GABRR2: variants seen among roughly 807,000 people sequenced by gnomAD.
GABRR2 encodes gamma-aminobutyric acid type A receptor subunit rho2.
A neutral mutation model predicts 47.0 loss-of-function variants in GABRR2; 36 were observed. That is an observed-to-expected ratio of 0.77 (90% CI 0.59 to 1.01). GABRR2 has a LOEUF of 1.01. GABRR2 is among the 50% of genes least tolerant of loss of function. GABRR2 has a pLI of 0.00. For synonymous variants in GABRR2, 204 were observed against 227.5 expected (o/e 0.90, Z 0.93); for missense variants, 587 against 594.6 (o/e 0.99, Z 0.13).
rs1454634907 is a variant in GABRR2 at position 89,256,970 on chromosome 6, A to G, written c.*700T>C. On this transcript the variant is annotated 3_prime_UTR_variant, in exon 9 of 9. Transcript: ENST00000402938. The stretch of plus-strand genomic sequence containing the variant: ...GGTAAGCGGGGTTGAAGGAGGGGAA[A>G]GAGCAGAAGTACATCATGCCATATG... Among the ~76,000 whole-genome samples the G allele has an allele frequency of 1.3e-5, 2 of 152,196 alleles. No homozygotes were observed. Among genetic ancestry groups the G allele is most frequent in the Admixed American group, 6.5e-5 (1 of 15,274 alleles).
chr6:89,266,955 G>A (rs1042376147), intron 6 of GABRR2, among the ~76,000 whole-genome samples: 2 of 151,160 alleles, frequency 1.3e-5, no homozygotes, highest in Non-Finnish European at 1.5e-5. Context: ...TGAGTAGTTA[G>A]GACCAGGGGC....
intron 8 of GABRR2, among the ~76,000 whole-genome samples, chr6:89,261,201 G>A (rs540569747): frequency 6.6e-6 from 1 of 152,246 alleles, no homozygotes; most frequent in East Asian, 1.9e-4. Flanking sequence ...GCTCTATACA[G>A]GAAAGTCTAA....
intron 2 of GABRR2, among the ~76,000 whole-genome samples, chr6:89,296,821 G>T (rs190845120): frequency 6.6e-6 from 1 of 152,324 alleles, no homozygotes; most frequent in East Asian, 1.9e-4. Context: ...TTCATCTGCC[G>T]TTCCAAGAGC....
chr6:89,262,028 CAAAAA>C (rs35450080), intron 8 of GABRR2, among the ~76,000 whole-genome samples: 1 of 130,450 alleles, frequency 7.7e-6, no homozygotes. Context: ...GACCCTGTCT[CAAAAA>C]AAAAAAAAAA....
At position 89,257,665 on chromosome 6, in the gene GABRR2, A is replaced by G. The variant is rs1185422310; in HGVS notation, c.*5T>C. The G allele has an allele frequency of 1.2e-6, 2 of 1,605,618 alleles. No homozygotes were observed. Among genetic ancestry groups the G allele is most frequent in the Admixed American group, 1.7e-5 (1 of 59,288 alleles). Reference sequence around the variant, plus strand: ...TGCCCTCTTCTAGGAACAGCCTTGGAGCCCCTAGGAAAACACTGACCAATA... The same window carrying G: ...TGCCCTCTTCTAGGAACAGCCTTGGGGCCCCTAGGAAAACACTGACCAATA... On this transcript the variant is annotated 3_prime_UTR_variant, in exon 9 of 9. Coordinates refer to ENST00000402938, the MANE Select transcript of GABRR2 (RefSeq NM_002043.5).
At position 89,267,742 on chromosome 6, in the gene GABRR2, A is replaced by G; in HGVS notation, c.673T>C (p.Leu225=). Residue 225 remains leucine, a synonymous_variant, in exon 6 of 9, where the codon TTG becomes CTG. Transcript: ENST00000402938. The stretch of plus-strand genomic sequence containing the variant: ...AATTTCTGAATCAGAAACTGAGACA[A>G]GGAGATCTTCTCATCTGTTTTTAGG... ...ESLKTDEKIS[L]SQFLIQKFHT... is the part of the protein sequence containing the mutation. 6.2e-7 allele frequency: 1 copy of G among 1,613,960 alleles called. No individual in the cohort carries two copies. The highest frequency in any genetic ancestry group is 8.5e-7 in the Non-Finnish European group (1 of 1,179,834).
At chr6:89,298,399 T>C (rs1774593355) in intron 2 of GABRR2, among the ~76,000 whole-genome samples, 1 of 152,200 alleles carries the variant, frequency 6.6e-6, no homozygotes, top group African/African-American at 2.4e-5. Context: ...TCTTGTTTAA[T>C]CTGGACAACA....
chr6:89,264,212 T>C (rs985712192), intron 8 of GABRR2, among the ~76,000 whole-genome samples, 200 bp downstream of exon 8: 2 of 152,224 alleles, frequency 1.3e-5, no homozygotes, highest in African/African-American at 4.8e-5. Context: ...TTCCAGTTCC[T>C]AGTCTTTGTC....
intron 2 of GABRR2, among the ~76,000 whole-genome samples, chr6:89,282,309 T>C (rs1774265589): frequency 6.6e-6 from 1 of 152,182 alleles, no homozygotes; most frequent in Admixed American, 6.5e-5. Flanking sequence ...CTTCTTCCCC[T>C]ACAGCTCCCC....
chr6:89,298,618 G>T (rs1247765736), intron 2 of GABRR2, among the ~76,000 whole-genome samples: 1 of 152,190 alleles, frequency 6.6e-6, no homozygotes, highest in Non-Finnish European at 1.5e-5. Flanking sequence ...TGAAATTCTT[G>T]GTGCCTCAGT....
intron 2 of GABRR2, among the ~76,000 whole-genome samples, chr6:89,292,779 C>CGTATATATCATATA (rs1774482581): frequency 3.3e-5 from 3 of 90,934 alleles, no homozygotes; most frequent in African/African-American, 1.2e-4. Flanking sequence ...TCGTATATAT[C>CGTATATATCATATA]GTATATACGA....
At chr6:89,307,883 C>T (rs1386558582) in intron 1 of GABRR2, among the ~76,000 whole-genome samples, 1 of 134,718 alleles carries the variant, frequency 7.4e-6, no homozygotes, top group Admixed American at 8.5e-5. Context: ...ATGGTGAGAT[C>T]TTGGCTCACT....
At chr6:89,259,883 C>CTTTT (rs59831214) in intron 8 of GABRR2, among the ~76,000 whole-genome samples, 63 of 67,518 alleles carry the variant, frequency 9.3e-4, no homozygotes, top group Non-Finnish European at 1.3e-3. Context: ...CTCTCTCTCT[C>CTTTT]TTTTTTTTTT....
At position 89,261,755 on chromosome 6, in the gene GABRR2, G is replaced by A. The variant is rs76578715; in HGVS notation, c.1086+2657C>T. 4.7e-3 allele frequency among the ~76,000 whole-genome samples: 721 copies of A among 152,176 alleles called. 8 individuals carry two copies. The highest frequency in any genetic ancestry group is 0.017 in the African/African-American group (687 of 41,526). On this transcript the variant is annotated intron_variant, in intron 8 of 8. Coordinates refer to ENST00000402938, the MANE Select transcript of GABRR2 (RefSeq NM_002043.5). ...GAGATAAACAACGTTAAAACAATTTGGGGCTGGTGCGGTGGTTCATGCCTG... is the reference window on the plus strand; with the variant it reads ...GAGATAAACAACGTTAAAACAATTTAGGGCTGGTGCGGTGGTTCATGCCTG...
intron 8 of GABRR2, among the ~76,000 whole-genome samples, chr6:89,263,227 T>C (rs1030997506): frequency 6.6e-6 from 1 of 152,236 alleles, no homozygotes; most frequent in Non-Finnish European, 1.5e-5. Context: ...ATTTCATGAA[T>C]TGTAAAGATA....
chr6:89,255,812 T>C lies in GABRR2; in HGVS notation c.*1858A>G, dbSNP rs187922166. 1.5e-3 allele frequency among the ~76,000 whole-genome samples: 236 copies of C among 152,290 alleles called. 2 individuals are homozygous for C. Among genetic ancestry groups the C allele is most frequent in the African/African-American group, 5.0e-3 (206 of 41,556 alleles). ...CTTTAGGCTGCCCAGCCCAGTGCAG[T>C]AGCTACTAGCAACTGTGCTTACTAA... is the stretch of plus-strand genomic sequence containing the variant. On this transcript the variant is annotated 3_prime_UTR_variant, in exon 9 of 9. Transcript: ENST00000402938.
intron 1 of GABRR2, among the ~76,000 whole-genome samples, chr6:89,309,362 C>G (rs1303849400): frequency 1.3e-5 from 2 of 152,096 alleles, no homozygotes; most frequent in African/African-American, 2.4e-5. Flanking sequence ...CTCATGCCCC[C>G]TCCCCACAGC....
Position 89,257,661 on chromosome 6 carries a change from T to C in GABRR2, c.*9A>G. The C allele has an allele frequency of 1.2e-6, 2 of 1,604,352 alleles. No individual in the cohort carries two copies. The highest frequency in any genetic ancestry group is 1.7e-6 in the Non-Finnish European group (2 of 1,174,276). On this transcript the variant is annotated 3_prime_UTR_variant, in exon 9 of 9. Coordinates refer to ENST00000402938, the MANE Select transcript of GABRR2 (RefSeq NM_002043.5). The stretch of plus-strand genomic sequence containing the variant: ...TCTATGCCCTCTTCTAGGAACAGCC[T>C]TGGAGCCCCTAGGAAAACACTGACC...
In GABRR2 at chr6:89,255,987, G is replaced by A. The variant is rs868056479; in HGVS notation, c.*1683C>T. Among the ~76,000 whole-genome samples, 14 of 151,716 alleles carry A rather than the reference G, an allele frequency of 9.2e-5. No individual in the cohort carries two copies. Among genetic ancestry groups the A allele is most frequent in the African/African-American group, 3.1e-4 (13 of 41,280 alleles). Reference sequence around the variant, plus strand: ...CTGCAGTGGCTTGATCACAGCTCACGGCAGCCTGGAATTCCTGGGCTCAAG... The same window carrying A: ...CTGCAGTGGCTTGATCACAGCTCACAGCAGCCTGGAATTCCTGGGCTCAAG... On this transcript the variant is annotated 3_prime_UTR_variant, in exon 9 of 9. Coordinates refer to ENST00000402938, the MANE Select transcript of GABRR2 (RefSeq NM_002043.5).
Sources: allele counts gnomAD v4.1 joint callset (sites outside exome capture counted in the v4.1 genomes callset), GRCh38; gene constraint gnomAD v4.1.1; transcripts MANE v1.5; gene names NCBI Gene and HGNC (gene_info 2026-07-23, HGNC 2026-07-21).